Variants in SH3KBP1 observed in about 807,000 individuals in gnomAD.
SH3KBP1 encodes SH3 domain-containing kinase-binding protein 1.
In SH3KBP1, 8 loss-of-function variants were observed where a neutral mutation model predicts 50.1. The observed-to-expected ratio is 0.16, with a 90% confidence interval of 0.09 to 0.29. SH3KBP1 has a LOEUF of 0.29. SH3KBP1 is among the 10% of genes least tolerant of loss of function. The pLI, the probability that SH3KBP1 is intolerant of heterozygous loss-of-function variation, is 1.00. For synonymous variants in SH3KBP1, 227 were observed against 218.6 expected (o/e 1.04, Z -0.34); for missense variants, 377 against 535.2 (o/e 0.70, Z 2.92).
At chrX:19,854,986 C>CT (rs1476891396) in intron 1 of SH3KBP1, among the ~76,000 whole-genome samples, 1 of 111,132 alleles carries the variant, frequency 9.0e-6, no homozygotes, top group Non-Finnish European at 1.9e-5. Flanking sequence ...TTTTCTTTTT[C>CT]TTTTTTTCAG....
intron 6 of SH3KBP1, among the ~76,000 whole-genome samples, chrX:19,670,003 A>G (rs1174001223): frequency 1.8e-5 from 2 of 109,805 alleles, no homozygotes; most frequent in African/African-American, 6.6e-5. Context: ...TTTTTTTTCA[A>G]TGAGAGACAG....
chrX:19,557,268 G>C lies in SH3KBP1; in HGVS notation c.1385-7185C>G, dbSNP rs192465592. Among the ~76,000 whole-genome samples the C allele has an allele frequency of 3.1e-3, 352 of 111,836 alleles. 4 individuals are homozygous for C. The highest frequency in any genetic ancestry group is 0.01 in the African/African-American group (322 of 30,784). ...GTGTTTTCAAATGGGCAGGAAAAGG[G>C]GCTGGCTTCTTCAAGGCACTCTGTG... On this transcript the variant is annotated intron_variant, in intron 13 of 17. Coordinates refer to ENST00000397821, the MANE Select transcript of SH3KBP1 (RefSeq NM_031892.3).
chrX:19,539,437 C>T (rs1244001751), intron 16 of SH3KBP1, among the ~76,000 whole-genome samples: 1 of 111,804 alleles, frequency 8.9e-6, no homozygotes, highest in Non-Finnish European at 1.9e-5. Flanking sequence ...GCACATCATG[C>T]ACCCATATCT....
At chrX:19,797,655 G>A (rs1380859162) in intron 2 of SH3KBP1, among the ~76,000 whole-genome samples, 1 of 111,484 alleles carries the variant, frequency 9.0e-6, no homozygotes, top group Non-Finnish European at 1.9e-5. Flanking sequence ...CGTAATCAGT[G>A]ATAAAAGTTA....
rs1024539801 is a variant in SH3KBP1 at position 19,536,541 on chromosome X, G to A, written c.1957-83C>T. On this transcript the variant is annotated intron_variant, in intron 17 of 17. Coordinates refer to ENST00000397821, the MANE Select transcript of SH3KBP1 (RefSeq NM_031892.3). ...AAGCTGAAAGATTATCAACCCGGTC[G>A]ACTGAAAGAAAACAATCAATCTGAC... The A allele has an allele frequency of 1.0e-4, 62 of 602,090 alleles. No individual in the cohort carries two copies. In the East Asian group the frequency reaches 2.0e-3, roughly 19 times the overall value. The allele number at this position is 602,090 out of a possible 1,213,427, so 49.6% of individuals were successfully genotyped here.
chrX:19,831,596 A>G (rs1464304322), intron 2 of SH3KBP1, among the ~76,000 whole-genome samples: 1 of 107,111 alleles, frequency 9.3e-6, no homozygotes, highest in African/African-American at 3.4e-5. Context: ...GTTCGAGACC[A>G]GCCTGACCAA....
At chrX:19,871,019 T>C (rs1355369882) in intron 1 of SH3KBP1, among the ~76,000 whole-genome samples, 1 of 112,148 alleles carries the variant, frequency 8.9e-6, no homozygotes, top group Non-Finnish European at 1.9e-5. Flanking sequence ...CCATTCTGTT[T>C]TGTTTCTCTC....
At chrX:19,654,716 A>G (rs1425559535) in intron 6 of SH3KBP1, among the ~76,000 whole-genome samples, 1 of 112,242 alleles carries the variant, frequency 8.9e-6, no homozygotes, top group Admixed American at 9.4e-5. Flanking sequence ...TTAGTTTTTT[A>G]TCTTTTGATT....
chrX:19,782,675 A>G (rs1411357850), intron 2 of SH3KBP1, among the ~76,000 whole-genome samples: 1 of 112,284 alleles, frequency 8.9e-6, no homozygotes, highest in Non-Finnish European at 1.9e-5. Context: ...GTACCTCTCC[A>G]TAGCACAGCT....
intron 6 of SH3KBP1, among the ~76,000 whole-genome samples, chrX:19,682,790 G>T (rs1229081017): frequency 9.2e-6 from 1 of 108,613 alleles, no homozygotes; most frequent in Admixed American, 9.9e-5. Flanking sequence ...TTCAGATTCT[G>T]CTTCTAATGC....
intron 3 of SH3KBP1, among the ~76,000 whole-genome samples, chrX:19,744,375 G>A (rs771956126): frequency 8.9e-6 from 1 of 111,801 alleles, no homozygotes; most frequent in African/African-American, 3.3e-5. Flanking sequence ...ATCTACCCCC[G>A]CTGTTTATTA....
intron 12 of SH3KBP1, among the ~76,000 whole-genome samples, chrX:19,586,623 G>A (rs752759318): frequency 9.0e-6 from 1 of 111,681 alleles, no homozygotes; most frequent in African/African-American, 3.3e-5. Flanking sequence ...GTAGAGGGTG[G>A]AACATGGAGA....
At chrX:19,575,096 A>G (rs2066157116) in intron 12 of SH3KBP1, among the ~76,000 whole-genome samples, 1 of 112,664 alleles carries the variant, frequency 8.9e-6, no homozygotes, top group Non-Finnish European at 1.9e-5. Flanking sequence ...GACAACGGCT[A>G]TCAGTGGAAA....
chrX:19,676,826 A>C (rs1323494504), intron 6 of SH3KBP1, among the ~76,000 whole-genome samples: 1 of 112,349 alleles, frequency 8.9e-6, no homozygotes, highest in Non-Finnish European at 1.9e-5. Flanking sequence ...TAATTCTATA[A>C]ATGAGATTCA....
intron 11 of SH3KBP1, among the ~76,000 whole-genome samples, chrX:19,589,726 T>C (rs2147983821): frequency 9.1e-6 from 1 of 110,322 alleles, no homozygotes; most frequent in East Asian, 2.9e-4. Flanking sequence ...GCAGGCTCCC[T>C]ATGCTTACTT....
At chrX:19,875,531 C>T (rs2069223523) in intron 1 of SH3KBP1, among the ~76,000 whole-genome samples, 1 of 112,338 alleles carries the variant, frequency 8.9e-6, no homozygotes, top group Non-Finnish European at 1.9e-5. Flanking sequence ...GGCCCGAGGG[C>T]AGCCCCGTAG....
chrX:19,826,939 T>A (rs2067698071), intron 2 of SH3KBP1, among the ~76,000 whole-genome samples: 1 of 112,059 alleles, frequency 8.9e-6, no homozygotes. Flanking sequence ...TTATGACACT[T>A]GTTGAAGTAG....
intron 6 of SH3KBP1, among the ~76,000 whole-genome samples, chrX:19,656,007 C>G (rs184513646): frequency 6.6e-4 from 73 of 111,262 alleles, no homozygotes; most frequent in African/African-American, 2.3e-3. Context: ...AAAATTTTGC[C>G]AAGTAGAGAC....
chrX:19,621,064 C>CT (rs2067805739), intron 8 of SH3KBP1, among the ~76,000 whole-genome samples: 1 of 47,423 alleles, frequency 2.1e-5, no homozygotes. Flanking sequence ...AATACCATTT[C>CT]TTTTCTTTCT....
Sources: gnomAD v4.1 joint callset for allele counts (sites outside exome capture counted in the v4.1 genomes callset) on GRCh38, gnomAD v4.1.1 for gene constraint, MANE v1.5 for transcripts, NCBI Gene and HGNC (gene_info 2026-07-23, HGNC 2026-07-21) for gene names.